The following RHOH variants were observed in gnomAD, a reference collection of about 807,000 sequenced individuals.
RHOH encodes rho-related GTP-binding protein RhoH.
In RHOH, 6 loss-of-function variants were observed where a neutral mutation model predicts 13.8. That is an observed-to-expected ratio of 0.44 (90% CI 0.24 to 0.86). The LOEUF is 0.86. RHOH is among the 40% of genes least tolerant of loss of function. RHOH has a pLI of 0.24. For synonymous variants in RHOH, 117 were observed against 103.0 expected, an observed-to-expected ratio of 1.14 and a Z score of -0.82; for missense variants, 147 against 244.5, an observed-to-expected ratio of 0.60 and a Z score of 2.66.
At chr4:40,239,865 G>A (rs141281793) in intron 1 of RHOH, among the ~76,000 whole-genome samples, 14 of 149,454 alleles carry the variant, frequency 9.4e-5, no homozygotes, top group South Asian at 6.3e-4. Flanking sequence ...GCAACAGAGC[G>A]AGACTCCGTC....
At chr4:40,198,219 T>C (rs1176860392) in intron 1 of RHOH, among the ~76,000 whole-genome samples, 1 of 152,116 alleles carries the variant, frequency 6.6e-6, no homozygotes, top group African/African-American at 2.4e-5. Flanking sequence ...AGATCTGGGC[T>C]TTGGAAGAAT....
Position 40,223,608 on chromosome 4 carries a change from G to C in RHOH, c.-330-19106G>C, listed in dbSNP as rs1441013175. Among the ~76,000 whole-genome samples the C allele has an allele frequency of 2.7e-5, 4 of 149,808 alleles. No individual in the cohort carries two copies. In the East Asian group the frequency reaches 5.8e-4, roughly 22 times the overall value. ...GCCTCCTGAGTAGCTGGGATTACAAGTGTGCATTACCATACCTGGCTAATT... is the reference window on the plus strand; with the variant it reads ...GCCTCCTGAGTAGCTGGGATTACAACTGTGCATTACCATACCTGGCTAATT... On this transcript the variant is annotated intron_variant, in intron 1 of 2. Transcript: ENST00000381799.
chr4:40,199,427 A>G (rs75109163), intron 1 of RHOH, among the ~76,000 whole-genome samples: 1,572 of 152,312 alleles, frequency 0.01, 24 homozygotes, highest in African/African-American at 0.036. Flanking sequence ...AGCACCAAAT[A>G]TGGACAAGGC....
chr4:40,239,750 T>C (rs1266911042), intron 1 of RHOH, among the ~76,000 whole-genome samples: 1 of 151,992 alleles, frequency 6.6e-6, no homozygotes, highest in African/African-American at 2.4e-5. Flanking sequence ...GTGGTGGTGG[T>C]GCCTGTAATC....
chr4:40,219,410 C>CAAAAA (rs35585203), intron 1 of RHOH, among the ~76,000 whole-genome samples: 2 of 92,640 alleles, frequency 2.2e-5, no homozygotes, highest in African/African-American at 4.6e-5. Flanking sequence ...GACTCCATCT[C>CAAAAA]AAAAAAAAAA....
chr4:40,240,003 G>A (rs1474384724), intron 1 of RHOH: 2 of 152,214 alleles, frequency 1.3e-5, no homozygotes, highest in Non-Finnish European at 2.9e-5. Flanking sequence ...GCTTAAGGAG[G>A]TTAAGAAAAT....
chr4:40,236,436 A>G (rs1252888646), intron 1 of RHOH, among the ~76,000 whole-genome samples: 1 of 152,220 alleles, frequency 6.6e-6, no homozygotes, highest in Non-Finnish European at 1.5e-5. Flanking sequence ...AAAATGACCC[A>G]TTGACCCAGT....
At chr4:40,242,329 C>T (rs116293319) in intron 1 of RHOH, among the ~76,000 whole-genome samples, 2,301 of 152,316 alleles carry the variant, frequency 0.015, 52 homozygotes, top group African/African-American at 0.052. Flanking sequence ...TAGCGGAGTT[C>T]GGGATACACA....
upstream of RHOH, among the ~76,000 whole-genome samples, chr4:40,196,170 T>G (rs1723114316): frequency 6.6e-6 from 1 of 152,192 alleles, no homozygotes. Context: ...GCCGATGCAC[T>G]GATAAAATAA....
rs1191359154 is a variant in RHOH at position 40,244,914 on chromosome 4, G to GA, written c.*953dup. ...AATTTGTTATAAATTTGTCTAAACT[G>GA]AGCTGTTGTGGCAACATAATTTATG... is the stretch of plus-strand genomic sequence containing the variant. On this transcript the variant is annotated 3_prime_UTR_variant, in exon 3 of 3. Transcript: ENST00000381799. 6.3e-6 allele frequency: 1 copy of GA among 159,488 alleles called. No homozygotes were observed. The highest frequency in any genetic ancestry group is 2.4e-5 in the African/African-American group (1 of 41,670). The allele number at this position is 159,488 out of a possible 1,614,324, so 9.9% of individuals were successfully genotyped here.
At chr4:40,198,892 TGTTTA>T (rs1723587454) in intron 1 of RHOH, among the ~76,000 whole-genome samples, 1 of 152,214 alleles carries the variant, frequency 6.6e-6, no homozygotes, top group Admixed American at 6.5e-5. Flanking sequence ...TTCTGGACGT[TGTTTA>T]GAGAGTCAGT....
intron 1 of RHOH, among the ~76,000 whole-genome samples, chr4:40,221,038 T>A (rs1726493327): frequency 6.6e-6 from 1 of 152,248 alleles, no homozygotes; most frequent in Non-Finnish European, 1.5e-5. Flanking sequence ...TAAACTTGTG[T>A]TCTTAGATTA....
At chr4:40,217,185 C>T (rs1260419633) in intron 1 of RHOH, among the ~76,000 whole-genome samples, 1 of 152,124 alleles carries the variant, frequency 6.6e-6, no homozygotes, top group Non-Finnish European at 1.5e-5. Context: ...GCAGGAGGGT[C>T]GGGGTCTTGG....
At chr4:40,226,161 A>G (rs979187923) in intron 1 of RHOH, among the ~76,000 whole-genome samples, 3 of 152,198 alleles carry the variant, frequency 2.0e-5, no homozygotes, top group African/African-American at 4.8e-5. Context: ...TGCATGATTA[A>G]TTCACATTTT....
intron 1 of RHOH, among the ~76,000 whole-genome samples, chr4:40,212,340 C>T (rs773546537): frequency 3.9e-5 from 6 of 152,108 alleles, no homozygotes; most frequent in Admixed American, 6.5e-5. Flanking sequence ...GAGTGCAACA[C>T]GTTTGAGGAA....
At chr4:40,200,653 T>C (rs191068726) in intron 1 of RHOH, 1 of 152,354 alleles carries the variant, frequency 6.6e-6, no homozygotes, top group Non-Finnish European at 1.5e-5. Flanking sequence ...TTCCTTTGTT[T>C]TGAGTTCATT....
intron 1 of RHOH, among the ~76,000 whole-genome samples, chr4:40,229,452 A>G (rs1447296016): frequency 6.6e-6 from 1 of 152,044 alleles, no homozygotes; most frequent in African/African-American, 2.4e-5. Context: ...CCTGACCAAC[A>G]TGGAGAAACC....
At chr4:40,234,948 G>T (rs949579894) in intron 1 of RHOH, among the ~76,000 whole-genome samples, 5 of 151,962 alleles carry the variant, frequency 3.3e-5, no homozygotes, top group African/African-American at 1.2e-4. Flanking sequence ...AAACAGAGAT[G>T]ATCTATGTAT....
chr4:40,236,827 T>C, intron 1 of RHOH, among the ~76,000 whole-genome samples: 1 of 151,450 alleles, frequency 6.6e-6, no homozygotes, highest in East Asian at 1.9e-4. Flanking sequence ...CTTACGTATA[T>C]AAAGTTATAT....
Sources: gnomAD v4.1 joint callset for allele counts (sites outside exome capture counted in the v4.1 genomes callset) on GRCh38, gnomAD v4.1.1 for gene constraint, MANE v1.5 for transcripts, NCBI Gene and HGNC (gene_info 2026-07-23, HGNC 2026-07-21) for gene names.